The following MAG variants were observed in gnomAD, a reference collection of about 807,000 sequenced individuals.
The protein encoded by MAG is myelin-associated glycoprotein.
In MAG, 30 loss-of-function variants were observed where a neutral mutation model predicts 60.7. The observed-to-expected ratio is 0.49, with a 90% CI of 0.37 to 0.67. The LOEUF (loss-of-function observed/expected upper bound fraction) is 0.67. Ranked by LOEUF, MAG falls within the 30% of genes least tolerant of loss-of-function variation. The pLI is 0.00. For synonymous variants in MAG, 384 were observed against 376.8 expected, an observed-to-expected ratio of 1.02 and a Z score of -0.22; for missense variants, 795 against 851.7, an observed-to-expected ratio of 0.93 and a Z score of 0.83.
In MAG at chr19:35,310,178, T is replaced by C; in HGVS notation, c.1519+17T>C. ...AGGGAGCCCGTGAGTGGCGTGGACT[T>C]GGGGTGGGAGCCACAGGAGGGAGCG... On this transcript the variant is annotated intron_variant, in intron 8 of 10. Transcript: ENST00000392213. 1.9e-6 allele frequency: 3 copies of C among 1,593,198 alleles called. No homozygotes were observed. The highest frequency in any genetic ancestry group is 1.7e-4 in the Middle Eastern group (1 of 5,972).
intron 7 of MAG, among the ~76,000 whole-genome samples, chr19:35,308,277 T>A (rs2066499588): frequency 6.6e-6 from 1 of 152,154 alleles, no homozygotes; most frequent in African/African-American, 2.4e-5. Context: ...ATGGAAGTGT[T>A]CCAAGTTGAG....
At chr19:35,312,116 G>C in intron 10 of MAG, 99 bp downstream of exon 10, 2 of 1,309,558 alleles carry the variant, frequency 1.5e-6, no homozygotes, top group Non-Finnish European at 2.2e-6. Context: ...GAGTGGGAGC[G>C]GCCTCTCACA....
At position 35,295,581 on chromosome 19, in the gene MAG, C is replaced by A; in HGVS notation, c.47-32C>A. 6.3e-7 allele frequency: 1 copy of A among 1,593,882 alleles called. No individual in the cohort carries two copies. Among genetic ancestry groups the A allele is most frequent in the Non-Finnish European group, 8.5e-7 (1 of 1,171,040 alleles). ...GAGGGGGTGATCGGGTAGGACGTGT[C>A]CCTGAGCCTCAGCTCTCCTGCTTGC... On this transcript the variant is annotated intron_variant, in intron 3 of 10. Transcript: ENST00000392213. The surrounding 1 kb of genome is among the most constrained non-coding windows in gnomAD (Gnocchi z 5.8).
At chr19:35,300,047 G>C in intron 5 of MAG, 100 bp from the exon 6 acceptor site, 1 of 1,402,912 alleles carries the variant, frequency 7.1e-7, no homozygotes, top group Non-Finnish European at 9.3e-7. Flanking sequence ...AAGGCTGAGG[G>C]CGGGGCCGGA....
rs2066546494 is a variant in MAG at position 35,313,682 on chromosome 19, A to G, written c.*228A>G. Reference sequence around the variant, plus strand: ...CTCCTCTCTAACCTCCTTTACCCTCATCTGTCTGGAGGGGAGCTCTGTCTG... The same window carrying G: ...CTCCTCTCTAACCTCCTTTACCCTCGTCTGTCTGGAGGGGAGCTCTGTCTG... On this transcript the variant is annotated 3_prime_UTR_variant, in exon 11 of 11. Coordinates refer to ENST00000392213, the MANE Select transcript of MAG (RefSeq NM_002361.4). 5 of 489,464 alleles carry G rather than the reference A, an allele frequency of 1.0e-5. No homozygotes were observed. Among genetic ancestry groups the G allele is most frequent in the Non-Finnish European group, 1.8e-5 (5 of 273,374 alleles). The allele number at this position is 489,464 out of a possible 1,614,324, so 30.3% of individuals were successfully genotyped here.
In MAG at chr19:35,313,336, G is replaced by A. The variant is rs1474223993; in HGVS notation, c.1763G>A (p.Gly588Asp). 13 of 1,614,180 alleles carry A rather than the reference G, an allele frequency of 8.1e-6. No individual in the cohort carries two copies. Among genetic ancestry groups the A allele is most frequent in the Admixed American group, 3.3e-5 (2 of 60,006 alleles). ...GSERRLLGLRGEPPELDLSYS... is the reference protein window; with the variant it reads ...GSERRLLGLRDEPPELDLSYS... Reference sequence around the variant, plus strand: ...GAGAGGAGGCTGCTGGGCCTTCGGGGTGAGCCCCCAGAGCTGGACCTGAGC... The same window carrying A: ...GAGAGGAGGCTGCTGGGCCTTCGGGATGAGCCCCCAGAGCTGGACCTGAGC... Residue 588 changes from glycine to aspartate, a missense_variant, in exon 11 of 11, where the codon GGT becomes GAT. Coordinates refer to ENST00000392213, the MANE Select transcript of MAG (RefSeq NM_002361.4).
At chr19:35,304,367 G>A (rs572103767) in intron 7 of MAG, among the ~76,000 whole-genome samples, 5 of 152,212 alleles carry the variant, frequency 3.3e-5, no homozygotes, top group African/African-American at 1.2e-4. Flanking sequence ...GAGAGGAGCC[G>A]ATGGGAGTAC....
chr19:35,310,999 G>A (rs547448089), intron 9 of MAG, among the ~76,000 whole-genome samples: 3 of 151,286 alleles, frequency 2.0e-5, no homozygotes, highest in Non-Finnish European at 2.9e-5. Flanking sequence ...TCCACTTGAC[G>A]CCAGAAGCCC....
chr19:35,300,309 TGGA>T lies in MAG; in HGVS notation c.881_883del (p.Glu294del). On this transcript the variant is annotated inframe_deletion, in exon 6 of 11. Coordinates refer to ENST00000392213, the MANE Select transcript of MAG (RefSeq NM_002361.4). ...GTGGCCGAGAGCCTGCTCCTGGAGC[TGGA>T]GGAGGTGACCCCCGCCGAAGACGGC... 1 of 1,599,550 alleles carries T rather than the reference TGGA, an allele frequency of 6.3e-7. No homozygotes were observed. The highest frequency in any genetic ancestry group is 8.5e-7 in the Non-Finnish European group (1 of 1,179,378).
chr19:35,305,199 G>T (rs2066475227), intron 7 of MAG, among the ~76,000 whole-genome samples: 1 of 152,146 alleles, frequency 6.6e-6, no homozygotes, highest in Non-Finnish European at 1.5e-5. Flanking sequence ...CAAAGTGCTT[G>T]CCCTTGGAGA....
At chr19:35,312,094 C>A in intron 10 of MAG, 77 bp downstream of exon 10, 1 of 1,428,442 alleles carries the variant, frequency 7.0e-7, no homozygotes, top group Non-Finnish European at 9.9e-7. Flanking sequence ...CCTGTGAGGC[C>A]AAGGGGCAGG....
intron 1 of MAG, among the ~76,000 whole-genome samples, chr19:35,292,903 A>G (rs1568469103): frequency 6.6e-6 from 1 of 151,992 alleles, no homozygotes; most frequent in Admixed American, 6.6e-5. Context: ...CCCGGCCCCA[A>G]CTACAGAAAC....
chr19:35,292,649 G>A (rs572151020), intron 1 of MAG, among the ~76,000 whole-genome samples: 3 of 151,556 alleles, frequency 2.0e-5, no homozygotes, highest in African/African-American at 7.3e-5. Context: ...TAGCAGGTGT[G>A]TGTGTGTGTG....
At position 35,313,501 on chromosome 19, in the gene MAG, C is replaced by G; in HGVS notation, c.*47C>G. ...TGGCTGACCCCCCTCAGGACCCTCG[C>G]TGGCCCCCACTGGCTGTGGGCTCCC... On this transcript the variant is annotated 3_prime_UTR_variant, in exon 11 of 11. Coordinates refer to ENST00000392213, the MANE Select transcript of MAG (RefSeq NM_002361.4). 6.5e-7 allele frequency: 1 copy of G among 1,526,816 alleles called. No individual in the cohort carries two copies. The highest frequency in any genetic ancestry group is 8.8e-7 in the Non-Finnish European group (1 of 1,136,138). 94.6% of individuals were successfully genotyped at this position (1,526,816 alleles called of 1,614,324 possible). A position where few individuals can be genotyped will look rare whatever the true frequency, so the allele number is the denominator to read the frequency against.
chr19:35,299,702 G>C lies in MAG; in HGVS notation c.564G>C (p.Arg188=), dbSNP rs904515831. 1.3e-5 allele frequency: 21 copies of C among 1,586,408 alleles called. No homozygotes were observed. In the Admixed American group the frequency reaches 2.7e-4, roughly 20 times the overall value. ...EGLGEPAVLG[R]LREDEGTWVQ... is the part of the protein sequence containing the mutation. ...TGGGGGAGCCCGCTGTGCTGGGCCG[G>C]CTGCGGGAGGACGAGGGCACCTGGG... Residue 188 remains arginine, a synonymous_variant, in exon 5 of 11, where the codon CGG becomes CGC. Coordinates refer to ENST00000392213, the MANE Select transcript of MAG (RefSeq NM_002361.4).
chr19:35,310,354 G>A (rs1480325514), intron 8 of MAG, among the ~76,000 whole-genome samples, 193 bp downstream of exon 8: 2 of 152,252 alleles, frequency 1.3e-5, no homozygotes, highest in East Asian at 3.8e-4. Context: ...TTTGAGGCAT[G>A]AGCCCCTCCC....
chr19:35,310,898 T>C lies in MAG; in HGVS notation c.1616+255T>C, dbSNP rs561994079. Among the ~76,000 whole-genome samples, 4 of 152,260 alleles carry C rather than the reference T, an allele frequency of 2.6e-5. No individual in the cohort carries two copies. The East Asian group carries it at 5.8e-4, about 22-fold the overall frequency. ...GAGACCTGTTTGCCCACATTCTATT[T>C]TGACAGCCTCCCTATCTCTAGGAAC... On this transcript the variant is annotated intron_variant, in intron 9 of 10. Coordinates refer to ENST00000392213, the MANE Select transcript of MAG (RefSeq NM_002361.4).
chr19:35,308,440 T>C (rs898561639), intron 7 of MAG, among the ~76,000 whole-genome samples: 2 of 152,284 alleles, frequency 1.3e-5, no homozygotes, highest in East Asian at 1.9e-4. Flanking sequence ...TGAAAGACTT[T>C]GTATTTTGGG....
At chr19:35,310,699 T>A in intron 9 of MAG, 56 bp downstream of exon 9, 1 of 1,525,748 alleles carries the variant, frequency 6.6e-7, no homozygotes, top group Non-Finnish European at 9.1e-7. Flanking sequence ...GGGGACCTGG[T>A]GGGAGATGGA....
Sources: allele counts gnomAD v4.1 joint callset (sites outside exome capture counted in the v4.1 genomes callset), GRCh38; gene constraint gnomAD v4.1.1; non-coding constraint Gnocchi (gnomAD v3.1); transcripts MANE v1.5; gene names NCBI Gene and HGNC (gene_info 2026-07-23, HGNC 2026-07-21).